The following KRT86 variants were observed in gnomAD, a reference collection of about 807,000 sequenced individuals.
KRT86 encodes keratin, type II cuticular Hb6.
KRT86 carries 30 observed loss-of-function variants against 41.2 expected under a neutral mutation model. The observed-to-expected ratio is 0.73, with a 90% CI of 0.54 to 0.99. The LOEUF (loss-of-function observed/expected upper bound fraction) is 0.99. Among genes scored for constraint, KRT86 ranks in the 50% least tolerant of loss-of-function variants. The probability of loss-of-function intolerance (pLI) is 0.00; values close to 1 mark genes in which losing one functional copy is unlikely to be tolerated. For synonymous variants in KRT86, 238 were observed against 238.1 expected (o/e 1.00, Z 0.00); for missense variants, 561 against 571.4 (o/e 0.98, Z 0.19).
In KRT86 at chr12:52,275,856, G is replaced by C; in HGVS notation, c.-95G>C. The C allele has an allele frequency of 4.1e-6, 4 of 985,946 alleles. No individual in the cohort carries two copies. The highest frequency in any genetic ancestry group is 4.8e-6 in the Non-Finnish European group (4 of 829,970). The allele number at this position is 985,946 out of a possible 1,614,324, so 61.1% of individuals were successfully genotyped here. ...TAAAGGCAACTGTGCAGAAACACAC[G>C]CAGAGCCTGAAGCCCAGCAAGGAGG... On this transcript the variant is annotated 5_prime_UTR_variant, in exon 2 of 11. Coordinates refer to ENST00000423955, the MANE Select transcript of KRT86 (RefSeq NM_001320198.2).
intron 2 of KRT86, among the ~76,000 whole-genome samples, chr12:52,276,566 G>A (rs746339143): frequency 2.1e-5 from 3 of 140,748 alleles, no homozygotes; most frequent in Non-Finnish European, 4.8e-5. Flanking sequence ...AGTCAATGTC[G>A]CCAGAGAAAT....
chr12:52,293,374 G>A (rs1216194226), intron 2 of KRT86, among the ~76,000 whole-genome samples: 1 of 152,196 alleles, frequency 6.6e-6, no homozygotes, highest in East Asian at 1.9e-4. Flanking sequence ...AAGTGATGGA[G>A]CCAGGAGTTG....
chr12:52,288,338 C>T lies in KRT86; in HGVS notation c.-5+12392C>T, dbSNP rs767511246. ...CTCCTCTCTGCTGGCTGCCAGGTTT[C>T]TGTCTGGCCCCTGAGCCCGCACCTC... On this transcript the variant is annotated intron_variant, in intron 2 of 10. Transcript: ENST00000423955. The T allele has an allele frequency of 3.1e-6, 5 of 1,613,568 alleles. No individual in the cohort carries two copies. In the South Asian group the frequency reaches 3.3e-5, roughly 11 times the overall value.
At chr12:52,286,994 T>C (rs540172456) in intron 2 of KRT86, 168 of 1,590,872 alleles carry the variant, frequency 1.1e-4, no homozygotes, top group Non-Finnish European at 2.3e-5. Context: ...AAGTGAATAA[T>C]AATATTTTTT....
intron 2 of KRT86, 79 bp from the exon 3 acceptor site, chr12:52,301,834 G>C: frequency 6.2e-7 from 1 of 1,613,134 alleles, no homozygotes; most frequent in Admixed American, 1.7e-5. Context: ...GGTGCAAGTA[G>C]TGAACGCCTG....
Position 52,301,924 on chromosome 12 carries a change from G to A in KRT86, c.8G>A (p.Cys3Tyr), listed in dbSNP as rs1399939049. The A allele has an allele frequency of 6.2e-7, 1 of 1,613,886 alleles. No individual in the cohort carries two copies. Among genetic ancestry groups the A allele is most frequent in the Non-Finnish European group, 8.5e-7 (1 of 1,179,796 alleles). The change falls in exon 3 of 11, where the codon TGT (cysteine) becomes TAT (tyrosine). Residue 3 changes from cysteine (C) to tyrosine (Y), a missense_variant. Transcript: ENST00000423955. MT[C>Y]GSYCGGRAFS... is the part of the protein sequence containing the mutation. ...TCTTCCCCAAAAAGCACCATGACTT[G>A]TGGATCTTACTGTGGTGGCCGCGCC...
intron 2 of KRT86, among the ~76,000 whole-genome samples, chr12:52,299,943 C>T (rs1286300564): frequency 6.6e-6 from 1 of 152,154 alleles, no homozygotes; most frequent in Non-Finnish European, 1.5e-5. Context: ...GTTCTTTTAG[C>T]TCGATGTGAT....
intron 2 of KRT86, among the ~76,000 whole-genome samples, chr12:52,282,805 C>G (rs1416816193): frequency 6.6e-6 from 1 of 152,232 alleles, no homozygotes; most frequent in Non-Finnish European, 1.5e-5. Context: ...ACACTGCACT[C>G]ACATCCACAT....
intron 2 of KRT86, among the ~76,000 whole-genome samples, chr12:52,283,441 A>G: frequency 7.5e-6 from 1 of 133,960 alleles, no homozygotes. Context: ...TAAATTGGTA[A>G]GGGATGTTAG....
intron 9 of KRT86, chr12:52,306,549 TA>T: frequency 3.4e-6 from 2 of 594,138 alleles, no homozygotes; most frequent in Non-Finnish European, 2.9e-6. Context: ...GAAGCCTAAT[TA>T]AGGCTTGGGG....
intron 2 of KRT86, chr12:52,291,549 C>T: frequency 1.3e-6 from 2 of 1,570,950 alleles, no homozygotes; most frequent in Non-Finnish European, 1.7e-6. Flanking sequence ...CCTCAGGGCA[C>T]CGCAGCCCTA....
At chr12:52,276,443 C>T (rs961182792) in intron 2 of KRT86, among the ~76,000 whole-genome samples, 2 of 152,174 alleles carry the variant, frequency 1.3e-5, no homozygotes, top group African/African-American at 2.4e-5. Context: ...CCTGGTGTGC[C>T]GCAGTCCCCA....
chr12:52,288,056 G>C (rs575437435), intron 2 of KRT86: 45 of 1,614,046 alleles, frequency 2.8e-5, no homozygotes, highest in Non-Finnish European at 3.4e-5. Flanking sequence ...CCTTAATCTC[G>C]GCAATGATGC....
chr12:52,291,278 A>C, intron 2 of KRT86: 1 of 1,534,456 alleles, frequency 6.5e-7, no homozygotes, highest in Non-Finnish European at 8.8e-7. Context: ...GCGGTAGCCG[A>C]AGCTGCGTCC....
rs545952536 is a variant in KRT86 at position 52,285,605 on chromosome 12, C to T, written c.-5+9659C>T. Reference sequence around the variant, plus strand: ...TGCAGTTTAGTGAAATGAGCACTAGCGACACACACAGGGCTTAAACCCCAG... The same window carrying T: ...TGCAGTTTAGTGAAATGAGCACTAGTGACACACACAGGGCTTAAACCCCAG... On this transcript the variant is annotated intron_variant, in intron 2 of 10. Transcript: ENST00000423955. Among the ~76,000 whole-genome samples, 6 of 152,256 alleles carry T rather than the reference C, an allele frequency of 3.9e-5. No homozygotes were observed. In the South Asian group the frequency reaches 1.0e-3, roughly 26 times the overall value.
intron 6 of KRT86, 90 bp downstream of exon 6, chr12:52,305,117 G>A: frequency 6.2e-7 from 1 of 1,605,226 alleles, no homozygotes; most frequent in East Asian, 2.2e-5. Context: ...GGTAGAGGTT[G>A]CAGTCCCTGA....
At chr12:52,294,293 G>A (rs1028754546) in intron 2 of KRT86, among the ~76,000 whole-genome samples, 8 of 152,204 alleles carry the variant, frequency 5.3e-5, no homozygotes, top group South Asian at 2.1e-4. Flanking sequence ...AAAACAACAT[G>A]TATAAACACA....
At chr12:52,304,867 A>C in intron 5 of KRT86, 65 bp from the exon 6 acceptor site, 3 of 1,537,436 alleles carry the variant, frequency 2.0e-6, no homozygotes, top group Non-Finnish European at 2.7e-6. Context: ...ATGGGTGGGA[A>C]GAGAGAGGAA....
At chr12:52,287,045 T>TA in intron 2 of KRT86, 1 of 1,612,108 alleles carries the variant, frequency 6.2e-7, no homozygotes, top group Non-Finnish European at 8.5e-7. Flanking sequence ...AGGCCAAGGG[T>TA]AGGCTTGTGC....
Sources: gnomAD v4.1 joint callset for allele counts (sites outside exome capture counted in the v4.1 genomes callset) on GRCh38, gnomAD v4.1.1 for gene constraint, MANE v1.5 for transcripts, NCBI Gene and HGNC (gene_info 2026-07-23, HGNC 2026-07-21) for gene names.